Variants in CLVS2 observed in about 807,000 individuals in gnomAD.
The protein encoded by CLVS2 is clavesin 2.
In CLVS2, 19 loss-of-function variants were observed where a neutral mutation model predicts 29.0. The observed-to-expected ratio is 0.66, with a 90% confidence interval of 0.46 to 0.96. CLVS2 has a LOEUF of 0.96. Among genes scored for constraint, CLVS2 ranks in the 40% least tolerant of loss-of-function variants. The pLI is 0.00. For missense variants in CLVS2, 294 were observed against 404.1 expected, an observed-to-expected ratio of 0.73 and a Z score of 2.34; for synonymous variants, 161 against 151.3, an observed-to-expected ratio of 1.06 and a Z score of -0.47.
Position 122,997,471 on chromosome 6 carries a change from AGAG to A in CLVS2, c.-303_-301del, listed in dbSNP as rs1048610088. On this transcript the variant is annotated 5_prime_UTR_variant, in exon 2 of 6. Coordinates refer to ENST00000275162, the MANE Select transcript of CLVS2 (RefSeq NM_001010852.4). ...TTGTTAGGAAAGAGAAAGGACAAGA[AGAG>A]GAGTGCGGAGCCCTTCAGGGGTTCA... is the stretch of plus-strand genomic sequence containing the variant. 8.0e-5 allele frequency: 30 copies of A among 374,988 alleles called. No homozygotes were observed. Among genetic ancestry groups the A allele is most frequent in the African/African-American group, 3.7e-4 (18 of 48,744 alleles). 23.2% of individuals were successfully genotyped at this position (374,988 alleles called of 1,614,324 possible).
At chr6:123,046,815 T>G (rs1243557634) in intron 3 of CLVS2, among the ~76,000 whole-genome samples, 7 of 152,152 alleles carry the variant, frequency 4.6e-5, no homozygotes, top group Non-Finnish European at 1.0e-4. Flanking sequence ...AGATGTTGGT[T>G]TCATCACAAC....
At chr6:123,012,917 T>C (rs1774771880) in intron 3 of CLVS2, among the ~76,000 whole-genome samples, 1 of 152,056 alleles carries the variant, frequency 6.6e-6, no homozygotes. Context: ...GGAATAGATT[T>C]GATGTGTTAC....
At chr6:123,023,125 G>A (rs1325150988) in intron 3 of CLVS2, among the ~76,000 whole-genome samples, 1 of 152,068 alleles carries the variant, frequency 6.6e-6, no homozygotes, top group Non-Finnish European at 1.5e-5. Context: ...CTTAAACATC[G>A]TTTAGGAACC....
intron 3 of CLVS2, among the ~76,000 whole-genome samples, chr6:123,012,574 A>G (rs528191751): frequency 1.3e-5 from 2 of 151,892 alleles, no homozygotes; most frequent in Non-Finnish European, 2.9e-5. Flanking sequence ...TAATACTGTG[A>G]TAAGTCATTG....
Position 123,058,936 on chromosome 6 carries a change from G to A in CLVS2, c.896+2910G>A, listed in dbSNP as rs564080834. Among the ~76,000 whole-genome samples the A allele has an allele frequency of 1.5e-4, 23 of 152,254 alleles. No individual in the cohort carries two copies. In the South Asian group the frequency reaches 4.6e-3, roughly 30 times the overall value. ...GCCTCTCAAAGCACTGGGATTACAG[G>A]TGTGAGCCACCAGGCAGGCCTTAGC... On this transcript the variant is annotated intron_variant, in intron 5 of 5. Coordinates refer to ENST00000275162, the MANE Select transcript of CLVS2 (RefSeq NM_001010852.4).
intron 5 of CLVS2, among the ~76,000 whole-genome samples, chr6:123,057,836 T>C (rs572918632): frequency 3.3e-4 from 50 of 152,272 alleles, no homozygotes; most frequent in Admixed American, 2.2e-3. Context: ...TCCCTTCTTT[T>C]AGAACAGAAC....
At chr6:123,044,185 G>T (rs1309546542) in intron 3 of CLVS2, among the ~76,000 whole-genome samples, 1 of 152,120 alleles carries the variant, frequency 6.6e-6, no homozygotes. Flanking sequence ...CTTCCTGATT[G>T]CCAGGCCATT....
chr6:123,013,223 G>T (rs1179974164), intron 3 of CLVS2, among the ~76,000 whole-genome samples: 1 of 151,908 alleles, frequency 6.6e-6, no homozygotes, highest in Non-Finnish European at 1.5e-5. Context: ...GTTTCATTCA[G>T]AATATGAATA....
At chr6:123,041,006 T>C (rs1775222354) in intron 3 of CLVS2, among the ~76,000 whole-genome samples, 1 of 152,122 alleles carries the variant, frequency 6.6e-6, no homozygotes, top group African/African-American at 2.4e-5. Flanking sequence ...GTGTGCTATC[T>C]TGTATGAAAC....
intron 3 of CLVS2, among the ~76,000 whole-genome samples, chr6:123,042,688 G>A (rs1470980029): frequency 4.6e-5 from 7 of 152,152 alleles, no homozygotes; most frequent in African/African-American, 1.7e-4. Flanking sequence ...GAAGACACTG[G>A]TTGGAATGTT....
chr6:123,072,089 T>C lies in CLVS2; in HGVS notation c.*8328T>C, dbSNP rs1772958515. ...CTTGTTGTGATAGGTTTCTGATTTG[T>C]ATCCTTTGCAGTTTAACTTTTAATC... On this transcript the variant is annotated 3_prime_UTR_variant, in exon 6 of 6. Transcript: ENST00000275162. 1 of 152,062 alleles carries C rather than the reference T, an allele frequency of 6.6e-6. No homozygotes were observed. The highest frequency in any genetic ancestry group is 2.1e-4 in the South Asian group (1 of 4,834). 9.4% of individuals were successfully genotyped at this position (152,062 alleles called of 1,614,324 possible).
chr6:123,051,428 A>G (rs931042354), intron 4 of CLVS2, among the ~76,000 whole-genome samples: 9 of 152,136 alleles, frequency 5.9e-5, no homozygotes, highest in Non-Finnish European at 8.8e-5. Flanking sequence ...GTTCAAACCA[A>G]TATTAGTTCC....
chr6:122,996,960 TG>T (rs1296454400), intron 1 of CLVS2, among the ~76,000 whole-genome samples: 1 of 151,582 alleles, frequency 6.6e-6, no homozygotes, highest in Non-Finnish European at 1.5e-5. Context: ...AGGCAGAAGT[TG>T]GGGGTGGGGT....
intron 5 of CLVS2, among the ~76,000 whole-genome samples, chr6:123,060,793 T>C (rs1223141015): frequency 6.6e-6 from 1 of 152,224 alleles, no homozygotes. Flanking sequence ...GAACAAAATC[T>C]TAGGAAGTTT....
chr6:123,002,938 C>T (rs1774612190), intron 2 of CLVS2, among the ~76,000 whole-genome samples: 1 of 152,138 alleles, frequency 6.6e-6, no homozygotes. Context: ...GACTTCTCTC[C>T]CAGCAGAGCT....
At chr6:123,063,067 T>TA (rs1315296420) in intron 5 of CLVS2, among the ~76,000 whole-genome samples, 2 of 152,206 alleles carry the variant, frequency 1.3e-5, no homozygotes, top group African/African-American at 2.4e-5. Context: ...TTTTACTTTT[T>TA]AAAAATCTAT....
At chr6:123,020,010 C>T (rs1395564068) in intron 3 of CLVS2, among the ~76,000 whole-genome samples, 1 of 152,012 alleles carries the variant, frequency 6.6e-6, no homozygotes, top group Admixed American at 6.6e-5. Context: ...TTGGATGAAG[C>T]CTCTCCCCAC....
chr6:123,008,008 C>T (rs1015502638), intron 2 of CLVS2, among the ~76,000 whole-genome samples: 3 of 152,074 alleles, frequency 2.0e-5, no homozygotes, highest in African/African-American at 7.2e-5. Flanking sequence ...ATAGATGCTA[C>T]ATTTCTTTGG....
intron 3 of CLVS2, among the ~76,000 whole-genome samples, chr6:123,024,365 A>C (rs924381447): frequency 6.6e-6 from 1 of 152,134 alleles, no homozygotes; most frequent in African/African-American, 2.4e-5. Flanking sequence ...AATATTTTCT[A>C]CTGAAACCAC....
Sources: allele counts gnomAD v4.1 joint callset (sites outside exome capture counted in the v4.1 genomes callset), GRCh38; gene constraint gnomAD v4.1.1; transcripts MANE v1.5; gene names NCBI Gene and HGNC (gene_info 2026-07-23, HGNC 2026-07-21).